The following PRPS2 variants were observed in gnomAD, a reference collection of about 807,000 sequenced individuals.
The protein encoded by PRPS2 is phosphoribosyl pyrophosphate synthetase 2, also known as ribose-phosphate pyrophosphokinase 2.
For synonymous variants in PRPS2, 111 were observed against 115.3 expected (o/e 0.96, Z 0.24); for missense variants, 104 against 271.5 (o/e 0.38, Z 4.34).
At chrX:12,801,128 A>T (rs1171202403) in intron 2 of PRPS2, among the ~76,000 whole-genome samples, 1 of 111,937 alleles carries the variant, frequency 8.9e-6, no homozygotes, top group Non-Finnish European at 1.9e-5. Flanking sequence ...CAGTACCAAA[A>T]CAAGTGGCTG....
In PRPS2 at chrX:12,819,619, G is replaced by T; in HGVS notation, c.643G>T (p.Val215Leu). 1 of 1,211,830 alleles carries T rather than the reference G, an allele frequency of 8.3e-7. No homozygotes were observed. Among genetic ancestry groups the T allele is most frequent in the Non-Finnish European group, 1.1e-6 (1 of 895,453 alleles). ...CCTGGTGGGCGACGTGAAGGACCGT[G>T]TGGCCATCCTCGTGGATGACATGGC... ...MVLVGDVKDR[V>L]AILVDDMADT... Residue 215 changes from valine (V) to leucine (L), a missense_variant, in exon 5 of 7, where the codon GTG becomes TTG. Transcript: ENST00000380668.
In PRPS2 at chrX:12,822,830, T is replaced by C. The variant is rs770922620; in HGVS notation, c.*34T>C. ...TGGGAAGTGTCCAGCAAGCCTACTC[T>C]GACTTCTGACTTGTTTTTGTTTTCT... On this transcript the variant is annotated 3_prime_UTR_variant, in exon 7 of 7. Transcript: ENST00000380668. The C allele has an allele frequency of 9.8e-6, 11 of 1,124,295 alleles. No individual in the cohort carries two copies. The highest frequency in any genetic ancestry group is 2.4e-4 in the Middle Eastern group (1 of 4,169). The allele number at this position is 1,124,295 out of a possible 1,213,427, so 92.7% of individuals were successfully genotyped here.
At position 12,810,096 on chromosome X, in the gene PRPS2, C is replaced by T. The variant is rs1225867738; in HGVS notation, c.480C>T (p.Ala160=). ...AVLQWIRENI[A]EWKNCIIVSP... is the part of the protein sequence containing the mutation. ...TGCAGTGGATTCGGGAAAACATTGC[C>T]GAGTGGAAGAACTGTATCATTGTTT... is the stretch of plus-strand genomic sequence containing the variant. Residue 160 remains alanine (A), a synonymous_variant, in exon 4 of 7, where the codon GCC becomes GCT. Transcript: ENST00000380668. The T allele has an allele frequency of 1.7e-6, 2 of 1,211,667 alleles. No homozygotes were observed. Among genetic ancestry groups the T allele is most frequent in the Non-Finnish European group, 2.2e-6 (2 of 895,355 alleles).
chrX:12,808,806 C>A (rs1354080707), intron 2 of PRPS2, among the ~76,000 whole-genome samples: 4 of 111,624 alleles, frequency 3.6e-5, no homozygotes, highest in Admixed American at 9.5e-5. Context: ...ATTCTCCTCG[C>A]CTTTGCTAAA....
intron 3 of PRPS2, 66 bp downstream of exon 3, chrX:12,809,398 A>G (rs1448456860): frequency 9.9e-5 from 105 of 1,058,190 alleles, no homozygotes; most frequent in South Asian, 4.7e-4. Flanking sequence ...CTTAGGTAAC[A>G]TTACTTGTGT....
At chrX:12,819,784 G>T (rs1375422600) in intron 5 of PRPS2, 104 bp downstream of exon 5, 78 of 980,307 alleles carry the variant, frequency 8.0e-5, no homozygotes, top group Non-Finnish European at 1.0e-4. Flanking sequence ...GCCGGTCTTG[G>T]CAGTGGAGTT....
At chrX:12,807,056 C>CA (rs1368686259) in intron 2 of PRPS2, among the ~76,000 whole-genome samples, 3 of 104,985 alleles carry the variant, frequency 2.9e-5, no homozygotes, top group Admixed American at 1.0e-4. Context: ...AACTCCATCT[C>CA]AAAAAAAAAG....
chrX:12,810,277 C>T (rs763130587), intron 4 of PRPS2, 131 bp downstream of exon 4: 16 of 848,048 alleles, frequency 1.9e-5, no homozygotes, highest in East Asian at 9.9e-5. Context: ...GTAAGTAGAC[C>T]GCAGGCTTCA....
intron 6 of PRPS2, among the ~76,000 whole-genome samples, chrX:12,821,731 G>T (rs1308644550): frequency 8.9e-6 from 1 of 112,255 alleles, no homozygotes; most frequent in Non-Finnish European, 1.9e-5. Flanking sequence ...GTGAAAAAAT[G>T]GGGGTGGGAG....
chrX:12,807,963 G>T (rs1161931935), intron 2 of PRPS2, among the ~76,000 whole-genome samples: 1 of 104,455 alleles, frequency 9.6e-6, no homozygotes, highest in East Asian at 3.0e-4. Context: ...TGTCTCCAGG[G>T]TTCAAGCAAT....
chrX:12,813,133 C>T (rs2042631934), intron 4 of PRPS2, among the ~76,000 whole-genome samples: 1 of 112,253 alleles, frequency 8.9e-6, no homozygotes, highest in Non-Finnish European at 1.9e-5. Context: ...TTTCCAGTGT[C>T]AGAATTGTGT....
intron 2 of PRPS2, among the ~76,000 whole-genome samples, chrX:12,801,252 G>A (rs866546148): frequency 2.9e-5 from 3 of 102,674 alleles, no homozygotes; most frequent in South Asian, 4.1e-4. Context: ...GTGTGTGTGT[G>A]TATGTGTGTG....
chrX:12,809,917 C>T (rs2042614494), intron 3 of PRPS2, 105 bp from the exon 4 acceptor site: 1 of 1,033,285 alleles, frequency 9.7e-7, no homozygotes, highest in East Asian at 3.4e-5. Flanking sequence ...TTCTTTTGAA[C>T]AAAAAATGCA....
intron 4 of PRPS2, 137 bp downstream of exon 4, chrX:12,810,283 C>T: frequency 1.2e-6 from 1 of 804,355 alleles, no homozygotes; most frequent in East Asian, 3.3e-5. Context: ...AGACCGCAGG[C>T]TTCACTTCCA....
chrX:12,797,375 T>A (rs1425503165), intron 1 of PRPS2, among the ~76,000 whole-genome samples: 1 of 108,869 alleles, frequency 9.2e-6, no homozygotes, highest in Non-Finnish European at 1.9e-5. Flanking sequence ...AAAAAAAAAA[T>A]TACATAAATA....
At position 12,823,675 on chromosome X, in the gene PRPS2, C is replaced by T. The variant is rs1457304493; in HGVS notation, c.*879C>T. The T allele has an allele frequency of 8.9e-6, 1 of 112,056 alleles. No homozygotes were observed. The highest frequency in any genetic ancestry group is 2.8e-4 in the East Asian group (1 of 3,625). 9.2% of individuals were successfully genotyped at this position (112,056 alleles called of 1,213,427 possible). The stretch of plus-strand genomic sequence containing the variant: ...CAGATTTTTAAAAAGGATATAGGAA[C>T]CTGCATTGTCATTCTCTGAATTAAG... On this transcript the variant is annotated 3_prime_UTR_variant, in exon 7 of 7. Coordinates refer to ENST00000380668, the MANE Select transcript of PRPS2 (RefSeq NM_002765.5).
chrX:12,811,111 C>G (rs1301665461), intron 4 of PRPS2, among the ~76,000 whole-genome samples: 1 of 112,409 alleles, frequency 8.9e-6, no homozygotes, highest in Non-Finnish European at 1.9e-5. Context: ...CCCTGCTCAA[C>G]CTGACCCGAT....
chrX:12,791,699 C>G, intron 1 of PRPS2, 80 bp downstream of exon 1: 3 of 840,419 alleles, frequency 3.6e-6, no homozygotes, highest in Non-Finnish European at 4.4e-6. Context: ...CGGCGCCTGC[C>G]CGGGCCACCT....
intron 1 of PRPS2, among the ~76,000 whole-genome samples, chrX:12,795,162 G>A (rs1188741944): frequency 1.8e-5 from 2 of 111,299 alleles, no homozygotes; most frequent in Admixed American, 1.9e-4. Context: ...AGGGCCCCAT[G>A]ATTACAATGG....
Sources: allele counts gnomAD v4.1 joint callset (sites outside exome capture counted in the v4.1 genomes callset), GRCh38; gene constraint gnomAD v4.1.1; transcripts MANE v1.5; gene names NCBI Gene and HGNC (gene_info 2026-07-23, HGNC 2026-07-21).